The following PTN variants were observed in gnomAD, a reference collection of about 807,000 sequenced individuals.
PTN encodes heparin affin regulatory protein.
PTN carries 18 observed loss-of-function variants against 24.1 expected under a neutral mutation model. The observed-to-expected ratio is 0.75, with a 90% CI of 0.52 to 1.11. The LOEUF is 1.11. Among genes scored for constraint, PTN ranks in the 50% least tolerant of loss-of-function variants. The pLI, the probability that PTN is intolerant of heterozygous loss-of-function variation, is 0.00. For missense variants in PTN, 163 were observed against 198.8 expected (o/e 0.82, Z 1.08); for synonymous variants, 78 against 68.6 (o/e 1.14, Z -0.67).
chr7:137,300,345 C>T (rs1304827654), intron 1 of PTN, among the ~76,000 whole-genome samples: 1 of 151,862 alleles, frequency 6.6e-6, no homozygotes, highest in Non-Finnish European at 1.5e-5. Context: ...TGCATTCATT[C>T]TTATGGATAT....
intron 1 of PTN, among the ~76,000 whole-genome samples, chr7:137,333,384 T>C (rs548418350): frequency 1.3e-5 from 2 of 152,354 alleles, no homozygotes; most frequent in East Asian, 1.9e-4. Flanking sequence ...CTTCTATTTG[T>C]TCTAGCCTGA....
intron 1 of PTN, among the ~76,000 whole-genome samples, chr7:137,340,136 T>A (rs1810511576): frequency 6.6e-6 from 1 of 152,170 alleles, no homozygotes; most frequent in Admixed American, 6.5e-5. Context: ...AAAAATGAAT[T>A]AAATTTTATC....
At chr7:137,233,933 C>T (rs901569357) in intron 4 of PTN, among the ~76,000 whole-genome samples, 4 of 148,236 alleles carry the variant, frequency 2.7e-5, no homozygotes, top group African/African-American at 1.0e-4. Flanking sequence ...TATATGTATA[C>T]ATATATATGT....
chr7:137,245,342 A>C (rs767733911), intron 4 of PTN, among the ~76,000 whole-genome samples: 36 of 152,322 alleles, frequency 2.4e-4, no homozygotes, highest in Non-Finnish European at 4.1e-4. Context: ...GATGGACCAC[A>C]TATAGAACTG....
chr7:137,275,087 A>G (rs532921160), intron 1 of PTN, among the ~76,000 whole-genome samples: 24 of 152,204 alleles, frequency 1.6e-4, no homozygotes, highest in Non-Finnish European at 2.4e-4. Flanking sequence ...TTCTCCATCA[A>G]TGGTAGCCCT....
chr7:137,312,559 G>A (rs1393856173), intron 1 of PTN, among the ~76,000 whole-genome samples: 1 of 152,134 alleles, frequency 6.6e-6, no homozygotes, highest in Non-Finnish European at 1.5e-5. Context: ...GTTATCTTTT[G>A]GAAAATTGTT....
intron 4 of PTN, among the ~76,000 whole-genome samples, chr7:137,235,180 A>G (rs1015866570): frequency 6.6e-6 from 1 of 152,080 alleles, no homozygotes; most frequent in African/African-American, 2.4e-5. Flanking sequence ...CGCAACGTAA[A>G]TATGTTCAAA....
At chr7:137,317,321 A>G (rs1408330290) in intron 1 of PTN, among the ~76,000 whole-genome samples, 3 of 152,144 alleles carry the variant, frequency 2.0e-5, no homozygotes, top group Non-Finnish European at 4.4e-5. Flanking sequence ...TTTTTTTCCT[A>G]TGTGGTTAGT....
In PTN at chr7:137,272,269, G is replaced by A. The variant is rs145057430; in HGVS notation, c.-1-17295C>T. Among the ~76,000 whole-genome samples, 33 of 152,224 alleles carry A rather than the reference G, an allele frequency of 2.2e-4. No individual in the cohort carries two copies. In the East Asian group the frequency reaches 6.0e-3, roughly 28 times the overall value. ...CTTTCAGTCTGTCTTTTCCACTCCT[G>A]CACCCGATCTATCTATCTTTAGCCA... On this transcript the variant is annotated intron_variant, in intron 1 of 4. Transcript: ENST00000348225.
chr7:137,237,253 G>T (rs986841253), intron 4 of PTN, among the ~76,000 whole-genome samples: 12 of 151,908 alleles, frequency 7.9e-5, no homozygotes, highest in Admixed American at 2.6e-4. Context: ...CATATAGTGA[G>T]GACACAAGGA....
intron 1 of PTN, among the ~76,000 whole-genome samples, chr7:137,332,986 C>T (rs895637117): frequency 9.9e-5 from 15 of 152,108 alleles, no homozygotes; most frequent in African/African-American, 3.6e-4. Context: ...CCCACCAAAC[C>T]TTATGTTGAA....
At chr7:137,287,369 C>A (rs530509119) in intron 1 of PTN, among the ~76,000 whole-genome samples, 2 of 152,050 alleles carry the variant, frequency 1.3e-5, no homozygotes, top group Non-Finnish European at 2.9e-5. Context: ...GTATTTAAAG[C>A]TTGTCGGCTA....
At chr7:137,273,520 G>T (rs1809310518) in intron 1 of PTN, among the ~76,000 whole-genome samples, 1 of 152,150 alleles carries the variant, frequency 6.6e-6, no homozygotes, top group South Asian at 2.1e-4. Flanking sequence ...AACACAGGAG[G>T]AACTACCAAA....
intron 1 of PTN, among the ~76,000 whole-genome samples, chr7:137,280,326 T>C (rs796246723): frequency 2.0e-5 from 3 of 152,242 alleles, no homozygotes; most frequent in African/African-American, 7.2e-5. Context: ...TTGGTAGGTA[T>C]GGCTCTGGAA....
At chr7:137,308,756 C>T (rs2128879530) in intron 1 of PTN, among the ~76,000 whole-genome samples, 1 of 152,218 alleles carries the variant, frequency 6.6e-6, no homozygotes, top group African/African-American at 2.4e-5. Flanking sequence ...AGTAAGTTCC[C>T]TGGGGCATAA....
intron 4 of PTN, among the ~76,000 whole-genome samples, chr7:137,238,300 C>T (rs1419257020): frequency 3.3e-5 from 5 of 152,116 alleles, no homozygotes; most frequent in African/African-American, 1.2e-4. Context: ...ATCATGAATC[C>T]AGGCCAGGGC....
chr7:137,265,198 A>G (rs1215461111), intron 1 of PTN, among the ~76,000 whole-genome samples: 3 of 152,172 alleles, frequency 2.0e-5, no homozygotes, highest in Non-Finnish European at 4.4e-5. Flanking sequence ...ATTGATCTGT[A>G]TTCCTCGTGG....
rs529853087 is a variant in PTN at position 137,332,455 on chromosome 7, C to T, written c.-2+10984G>A. 3.9e-5 allele frequency among the ~76,000 whole-genome samples: 6 copies of T among 152,090 alleles called. No homozygotes were observed. In the East Asian group the frequency reaches 9.7e-4, roughly 24 times the overall value. ...TCAAACTTTTCACACATTTGACCTG[C>T]GTTGAGCTATATTTGAGATTCTGCA... On this transcript the variant is annotated intron_variant, in intron 1 of 4. Transcript: ENST00000348225.
intron 1 of PTN, among the ~76,000 whole-genome samples, chr7:137,322,008 C>A (rs146807235): frequency 6.6e-6 from 1 of 152,288 alleles, no homozygotes; most frequent in South Asian, 2.1e-4. Context: ...AGCCCAGGAA[C>A]AGAAACATGT....
Sources: gnomAD v4.1 joint callset for allele counts (sites outside exome capture counted in the v4.1 genomes callset) on GRCh38, gnomAD v4.1.1 for gene constraint, MANE v1.5 for transcripts, NCBI Gene and HGNC (gene_info 2026-07-23, HGNC 2026-07-21) for gene names.